FOXP2: variants seen among roughly 807,000 people sequenced by gnomAD.
FOXP2 encodes forkhead box protein P2.
Under a neutral mutation model 115.8 loss-of-function variants are expected in FOXP2, and 12 were observed. That is an observed-to-expected ratio of 0.10 (90% CI 0.07 to 0.17). The LOEUF is 0.17. Among genes scored for constraint, FOXP2 ranks in the 10% least tolerant of loss-of-function variants. The probability of loss-of-function intolerance (pLI) is 1.00; values close to 1 mark genes in which losing one functional copy is unlikely to be tolerated. For missense variants in FOXP2, 629 were observed against 843.5 expected, an observed-to-expected ratio of 0.75 and a Z score of 3.15; for synonymous variants, 328 against 297.7, an observed-to-expected ratio of 1.10 and a Z score of -1.05.
chr7:114,581,004 G>C (rs1322590672), intron 3 of FOXP2, among the ~76,000 whole-genome samples: 1 of 151,240 alleles, frequency 6.6e-6, no homozygotes, highest in Non-Finnish European at 1.5e-5. Context: ...CAAAGAATGT[G>C]AATCTATAGC....
chr7:114,607,496 T>G (rs1230776938), intron 3 of FOXP2, among the ~76,000 whole-genome samples: 1 of 152,148 alleles, frequency 6.6e-6, no homozygotes, highest in Non-Finnish European at 1.5e-5. Flanking sequence ...GGTGTAAGTT[T>G]GAAGAGTGAG....
chr7:114,344,414 A>G (rs1791290917), intron 2 of FOXP2, among the ~76,000 whole-genome samples: 1 of 151,834 alleles, frequency 6.6e-6, no homozygotes, highest in South Asian at 2.1e-4. Flanking sequence ...ACGATTCCCC[A>G]TTGTATGCCA....
intron 3 of FOXP2, among the ~76,000 whole-genome samples, chr7:114,582,118 G>A (rs1584921091): frequency 1.3e-5 from 2 of 152,278 alleles, no homozygotes; most frequent in African/African-American, 2.4e-5. Flanking sequence ...AAAAATGCAA[G>A]AGGGAAAACA....
In FOXP2 at chr7:114,092,605, T is replaced by C. The variant is rs76729873; in HGVS notation, c.-247+4767T>C. Reference sequence around the variant, plus strand: ...AGACATATTTTGGAGAAAGCACTTATAAAATTTCTCACTGGCAGATAGTGA... The same window carrying C: ...AGACATATTTTGGAGAAAGCACTTACAAAATTTCTCACTGGCAGATAGTGA... On this transcript the variant is annotated intron_variant, in intron 1 of 19. Coordinates refer to the FOXP2 transcript ENST00000635638. Among the ~76,000 whole-genome samples the C allele has an allele frequency of 3.5e-3, 533 of 152,202 alleles. 4 individuals carry two copies. Among genetic ancestry groups the C allele is most frequent in the East Asian group, 0.016 (85 of 5,186 alleles).
At chr7:114,195,817 A>T (rs1793889057) in intron 1 of FOXP2, among the ~76,000 whole-genome samples, 1 of 152,092 alleles carries the variant, frequency 6.6e-6, no homozygotes, top group African/African-American at 2.4e-5. Context: ...TTCAAAATAA[A>T]CTATTTTGTG....
At chr7:114,485,031 T>G (rs966551835) in intron 2 of FOXP2, among the ~76,000 whole-genome samples, 2 of 151,910 alleles carry the variant, frequency 1.3e-5, no homozygotes, top group Non-Finnish European at 2.9e-5. Context: ...AATATATGAA[T>G]TTATGCATAG....
chr7:114,126,006 G>A (rs1260576049), intron 1 of FOXP2, among the ~76,000 whole-genome samples: 1 of 152,140 alleles, frequency 6.6e-6, no homozygotes, highest in African/African-American at 2.4e-5. Context: ...CCTACTGCAA[G>A]TGAGGAAGGT....
At position 114,692,547 on chromosome 7, in the gene FOXP2, C is replaced by T. The variant is rs1210214127; in HGVS notation, c.*2621C>T. 1 of 453,778 alleles carries T rather than the reference C, an allele frequency of 2.2e-6. No individual in the cohort carries two copies. Among genetic ancestry groups the T allele is most frequent in the Non-Finnish European group, 4.4e-6 (1 of 226,624 alleles). The allele number at this position is 453,778 out of a possible 1,614,324, so 28.1% of individuals were successfully genotyped here. On this transcript the variant is annotated 3_prime_UTR_variant, in exon 17 of 17. Coordinates refer to ENST00000350908, the MANE Select transcript of FOXP2 (RefSeq NM_014491.4). ...AGAAAAATGTTGCTTTAATGCATTT[C>T]ATGAATTTTTACTCTTATATCATTG...
chr7:114,122,456 A>G (rs776087181), intron 1 of FOXP2, among the ~76,000 whole-genome samples: 4 of 151,228 alleles, frequency 2.6e-5, no homozygotes, highest in Non-Finnish European at 4.4e-5. Flanking sequence ...CAGCAATGAA[A>G]TACAACCTTC....
intron 2 of FOXP2, among the ~76,000 whole-genome samples, chr7:114,455,582 A>G (rs1177182009): frequency 6.6e-6 from 1 of 152,128 alleles, no homozygotes; most frequent in Admixed American, 6.5e-5. Context: ...CAGCTCTGTT[A>G]CCCTCCTCTC....
Position 114,542,233 on chromosome 7 carries a change from C to G in FOXP2, c.258+7527C>G, listed in dbSNP as rs559997433. On this transcript the variant is annotated intron_variant, in intron 3 of 16. Transcript: ENST00000350908. ...CTTGTCTATTTTACTTTATTGCTGT[C>G]TCTTTGGTCCCATAAGAACACAGAA... 2.6e-5 allele frequency among the ~76,000 whole-genome samples: 4 copies of G among 152,092 alleles called. No individual in the cohort carries two copies. The South Asian group carries it at 8.3e-4, about 32-fold the overall frequency.
At chr7:114,373,137 C>T (rs1334630106) in intron 2 of FOXP2, among the ~76,000 whole-genome samples, 13 of 151,954 alleles carry the variant, frequency 8.6e-5, no homozygotes, top group Admixed American at 5.9e-4. Flanking sequence ...GGACTACAGG[C>T]GCCAGCCACC....
At chr7:114,524,016 G>T (rs1023615242) in intron 2 of FOXP2, among the ~76,000 whole-genome samples, 5 of 152,082 alleles carry the variant, frequency 3.3e-5, no homozygotes, top group African/African-American at 1.2e-4. Context: ...AGTAAAAATA[G>T]AAGTAAATTC....
chr7:114,688,662 A>G (rs1179831356), intron 16 of FOXP2, among the ~76,000 whole-genome samples: 3 of 152,138 alleles, frequency 2.0e-5, no homozygotes, highest in Admixed American at 1.3e-4. Flanking sequence ...GTGTGACAGC[A>G]TTATTATTCT....
chr7:114,255,393 A>G (rs1446173854), intron 1 of FOXP2, among the ~76,000 whole-genome samples: 1 of 152,174 alleles, frequency 6.6e-6, no homozygotes, highest in African/African-American at 2.4e-5. Flanking sequence ...TCAGAGGTGG[A>G]GTCTACAGAT....
intron 1 of FOXP2, among the ~76,000 whole-genome samples, chr7:114,109,148 G>A (rs191897619): frequency 1.3e-5 from 2 of 152,008 alleles, no homozygotes; most frequent in Admixed American, 1.3e-4. Context: ...TCCAGTAAAA[G>A]CAGGATATTA....
chr7:114,211,850 A>T (rs1282370084), intron 1 of FOXP2, among the ~76,000 whole-genome samples: 1 of 152,162 alleles, frequency 6.6e-6, no homozygotes, highest in Non-Finnish European at 1.5e-5. Context: ...GGGAGGGCAG[A>T]TCACCTGAGG....
chr7:114,104,894 A>G (rs1206377031), intron 1 of FOXP2, among the ~76,000 whole-genome samples: 1 of 152,066 alleles, frequency 6.6e-6, no homozygotes, highest in Non-Finnish European at 1.5e-5. Context: ...TATCTTGAAT[A>G]TAATTTAAAA....
rs937321326 is a variant in FOXP2 at position 114,692,889 on chromosome 7, T to C, written c.*2963T>C. 2.4e-5 allele frequency: 11 copies of C among 454,154 alleles called. No individual in the cohort carries two copies. Among genetic ancestry groups the C allele is most frequent in the Non-Finnish European group, 2.2e-5 (5 of 226,656 alleles). 28.1% of individuals were successfully genotyped at this position (454,154 alleles called of 1,614,324 possible). ...TCATTACTGTGTACTATGTTCATAC[T>C]TTGAATTCTCTGACGTTAGAAGTCA... On this transcript the variant is annotated 3_prime_UTR_variant, in exon 17 of 17. Coordinates refer to ENST00000350908, the MANE Select transcript of FOXP2 (RefSeq NM_014491.4).
Sources: gnomAD v4.1 joint callset for allele counts (sites outside exome capture counted in the v4.1 genomes callset) on GRCh38, gnomAD v4.1.1 for gene constraint, MANE v1.5 for transcripts, NCBI Gene and HGNC (gene_info 2026-07-23, HGNC 2026-07-21) for gene names.